Variants in FGF8 observed in about 807,000 individuals in gnomAD.
The protein encoded by FGF8 is fibroblast growth factor 8.
Under a neutral mutation model 29.7 loss-of-function variants are expected in FGF8, and 12 were observed. The observed-to-expected ratio is 0.40, with a 90% CI of 0.26 to 0.65. The LOEUF is 0.65. FGF8 is among the 30% of genes least tolerant of loss of function. FGF8 has a pLI of 0.37. For missense variants in FGF8, 271 were observed against 345.1 expected (o/e 0.79, Z 1.70); for synonymous variants, 157 against 144.4 (o/e 1.09, Z -0.63).
At chr10:101,774,704 C>A in intron 4 of FGF8, 28 bp downstream of exon 4, 1 of 1,594,492 alleles carries the variant, frequency 6.3e-7, no homozygotes, top group South Asian at 1.1e-5. Flanking sequence ...CGCCGCGCAT[C>A]CCACAAGCTA....
chr10:101,775,822 G>C lies in FGF8; in HGVS notation c.33-46C>G, dbSNP rs1358082148. The C allele has an allele frequency of 6.5e-7, 1 of 1,528,716 alleles. No individual in the cohort carries two copies. The highest frequency in any genetic ancestry group is 8.8e-7 in the Non-Finnish European group (1 of 1,140,370). 94.7% of individuals were successfully genotyped at this position (1,528,716 alleles called of 1,614,324 possible). ...CGGGAGAGAGAGGCGCGGGTGAGGCGAGGGGCGCGGGGGGCGGGTGGCGGG... is the reference window on the plus strand; with the variant it reads ...CGGGAGAGAGAGGCGCGGGTGAGGCCAGGGGCGCGGGGGGCGGGTGGCGGG... On this transcript the variant is annotated intron_variant, in intron 1 of 5. Coordinates refer to ENST00000320185, the MANE Select transcript of FGF8 (RefSeq NM_033163.5). The surrounding 1 kb of genome is among the most constrained non-coding windows in gnomAD (Gnocchi z 4.6).
At position 101,775,452 on chromosome 10, in the gene FGF8, G is replaced by A. The variant is rs1330892338; in HGVS notation, c.70-236C>T. The stretch of plus-strand genomic sequence containing the variant: ...GGCCGCGGCTGCCCCCTTCCTCGGC[G>A]GCTGGGTGTTCCCTATGCCCCCAGC... On this transcript the variant is annotated intron_variant, in intron 2 of 5. Coordinates refer to ENST00000320185, the MANE Select transcript of FGF8 (RefSeq NM_033163.5). This position sits in a 1 kb window ranked among gnomAD's most constrained non-coding sequence, Gnocchi z 4.6. 6.8e-5 allele frequency: 41 copies of A among 603,176 alleles called. No individual in the cohort carries two copies. The highest frequency in any genetic ancestry group is 1.4e-4 in the East Asian group (5 of 36,254). The allele number at this position is 603,176 out of a possible 1,614,324, so 37.4% of individuals were successfully genotyped here.
At chr10:101,778,119 C>T (rs1386904554), upstream of FGF8, among the ~76,000 whole-genome samples, 1 of 152,244 alleles carries the variant, frequency 6.6e-6, no homozygotes, top group Non-Finnish European at 1.5e-5. Flanking sequence ...TGCTTGTGGT[C>T]TTACCCTCAT....
intron 5 of FGF8, 133 bp from the exon 6 acceptor site, chr10:101,770,752 T>C: frequency 1.1e-6 from 1 of 939,108 alleles, no homozygotes; most frequent in South Asian, 1.4e-5. Flanking sequence ...ACCCCCTGCC[T>C]GGGCACCCGC....
chr10:101,775,791 A>G lies in FGF8; in HGVS notation c.33-15T>C. 6.5e-7 allele frequency: 1 copy of G among 1,540,850 alleles called. No homozygotes were observed. On this transcript the variant is annotated splice_polypyrimidine_tract_variant and intron_variant, in intron 1 of 5. Transcript: ENST00000320185. The surrounding 1 kb of genome is among the most constrained non-coding windows in gnomAD (Gnocchi z 4.6). Reference sequence around the variant, plus strand: ...AGTGCAACAGCCTGTGGGAGACAAAAGCGGGCGGGAGAGAGAGGCGCGGGT... The same window carrying G: ...AGTGCAACAGCCTGTGGGAGACAAAGGCGGGCGGGAGAGAGAGGCGCGGGT...
rs1431347374 is a variant in FGF8 at position 101,772,757 on chromosome 10, G to A, written c.338-1188C>T. 6.6e-6 allele frequency among the ~76,000 whole-genome samples: 1 copy of A among 152,126 alleles called. No homozygotes were observed. The highest frequency in any genetic ancestry group is 6.5e-5 in the Admixed American group (1 of 15,268). ...CAGTCATCACTGCTCAGCTTGTAAT[G>A]TTCCCCGCTTCACACAGGCTCAGTG... On this transcript the variant is annotated intron_variant, in intron 4 of 5. Transcript: ENST00000320185. The surrounding 1 kb of genome is among the most constrained non-coding windows in gnomAD (Gnocchi z 4.4).
rs1480112204 is a variant in FGF8, at chr10:101,775,185, C to T, written c.101G>A (p.Arg34Lys). The T allele has an allele frequency of 6.5e-7, 1 of 1,548,168 alleles. No homozygotes were observed. Residue 34 changes from arginine (R) to lysine (K), a missense_variant, in exon 3 of 6, where the codon AGG becomes AAG. This residue lies in a region of FGF8 where 168 missense variants were observed against 207.0 expected (regional missense o/e 0.81). Coordinates refer to ENST00000320185, the MANE Select transcript of FGF8 (RefSeq NM_033163.5). This position sits in a 1 kb window ranked among gnomAD's most constrained non-coding sequence, Gnocchi z 4.6. ...AGCCCGGAACAGGGAAGCGAGCTCC[C>T]TGCCCAGCGCAGGGCCCCTGCCCGG... is the stretch of plus-strand genomic sequence containing the variant. ...EGPGRGPALG[R>K]ELASLFRAGR...
rs1181238326 is a variant in FGF8 at position 101,772,546 on chromosome 10, T to C, written c.338-977A>G. On this transcript the variant is annotated intron_variant, in intron 4 of 5. Coordinates refer to ENST00000320185, the MANE Select transcript of FGF8 (RefSeq NM_033163.5). The surrounding 1 kb of genome is among the most constrained non-coding windows in gnomAD (Gnocchi z 4.4). Reference sequence around the variant, plus strand: ...CTCTTATAGGCTGTCCTCAAGAAAGTAGTGAGGGTGACTTCACTGTTTAGG... The same window carrying C: ...CTCTTATAGGCTGTCCTCAAGAAAGCAGTGAGGGTGACTTCACTGTTTAGG... Among the ~76,000 whole-genome samples, 1 of 152,162 alleles carries C rather than the reference T, an allele frequency of 6.6e-6. No homozygotes were observed. Among genetic ancestry groups the C allele is most frequent in the East Asian group, 1.9e-4 (1 of 5,196 alleles).
chr10:101,776,324 G>A (rs1487335419), upstream of FGF8, among the ~76,000 whole-genome samples: 10 of 149,358 alleles, frequency 6.7e-5, no homozygotes, highest in African/African-American at 2.5e-4. Context: ...GGCGGCCGAC[G>A]GGTTCGGGAT....
Position 101,774,748 on chromosome 10 carries a change from C to G in FGF8, c.321G>C (p.Glu107Asp), listed in dbSNP as rs1774561658. ...GCGCCTTACCGAAGGGGTCGCCGTCCTCTGCCATGGCGTTGATGCGCTTGT... is the reference window on the plus strand; with the variant it reads ...GCGCCTTACCGAAGGGGTCGCCGTCGTCTGCCATGGCGTTGATGCGCTTGT... ...LANKRINAMA[E>D]DGDPFAKLIV... Residue 107 changes from glutamate (E) to aspartate (D), a missense_variant, in exon 4 of 6, where the codon GAG (glutamate) becomes GAC (aspartate). Transcript: ENST00000320185. The G allele has an allele frequency of 1.9e-6, 3 of 1,606,328 alleles. No individual in the cohort carries two copies. The highest frequency in any genetic ancestry group is 2.5e-6 in the Non-Finnish European group (3 of 1,179,818).
At chr10:101,777,463 C>T (rs1311000699), upstream of FGF8, among the ~76,000 whole-genome samples, 3 of 152,240 alleles carry the variant, frequency 2.0e-5, no homozygotes, top group Non-Finnish European at 2.9e-5. Flanking sequence ...CCAGGCCCTG[C>T]CTCCCTCCCT....
Position 101,775,455 on chromosome 10 carries a change from T to C in FGF8, c.70-239A>G. The C allele has an allele frequency of 3.3e-6, 2 of 603,032 alleles. No homozygotes were observed. The highest frequency in any genetic ancestry group is 5.9e-6 in the Non-Finnish European group (2 of 339,496). 37.4% of individuals were successfully genotyped at this position (603,032 alleles called of 1,614,324 possible). The stretch of plus-strand genomic sequence containing the variant: ...CGCGGCTGCCCCCTTCCTCGGCGGC[T>C]GGGTGTTCCCTATGCCCCCAGCCGG... On this transcript the variant is annotated intron_variant, in intron 2 of 5. Transcript: ENST00000320185. The surrounding 1 kb of genome is among the most constrained non-coding windows in gnomAD (Gnocchi z 4.6).
Position 101,771,420 on chromosome 10 carries a change from C to T in FGF8, c.444+43G>A, listed in dbSNP as rs1437280527. ...GGAGGAGTCCAGCCAGCCCAAGCCA[C>T]TCCCTAGGTCCCGCGGACCCCACCT... On this transcript the variant is annotated intron_variant, in intron 5 of 5. Transcript: ENST00000320185. This position sits in a 1 kb window ranked among gnomAD's most constrained non-coding sequence, Gnocchi z 5.3. The T allele has an allele frequency of 6.7e-7, 1 of 1,484,794 alleles. No individual in the cohort carries two copies. Among genetic ancestry groups the T allele is most frequent in the Middle Eastern group, 1.7e-4 (1 of 5,810 alleles). The allele number at this position is 1,484,794 out of a possible 1,614,324, so 92.0% of individuals were successfully genotyped here. A position where few individuals can be genotyped will look rare whatever the true frequency, so the allele number is the denominator to read the frequency against.
At chr10:101,776,685 G>T (rs1214269395), upstream of FGF8, among the ~76,000 whole-genome samples, 1 of 152,022 alleles carries the variant, frequency 6.6e-6, no homozygotes, top group Admixed American at 6.5e-5. Flanking sequence ...CGGCCCTCGC[G>T]CAGTGCGTGC....
chr10:101,778,749 C>T (rs2065116446), upstream of FGF8, among the ~76,000 whole-genome samples: 2 of 152,364 alleles, frequency 1.3e-5, no homozygotes, highest in Admixed American at 6.5e-5. Flanking sequence ...TGCCCTGGCA[C>T]GCCCCGTGAC....
rs779901890 is a variant in FGF8, at chr10:101,771,527, C to T, written c.380G>A (p.Arg127Gln). ...VETDTFGSRV[R>Q]VRGAETGLYI... ...GAGGCCCGTCTCGGCTCCTCGGACT[C>T]GAACTCTGCTTCCAAAGGTGTCCGT... is the stretch of plus-strand genomic sequence containing the variant. Residue 127 changes from arginine to glutamine, a missense_variant, in exon 5 of 6, where the codon CGA becomes CAA. Arg to Gln is a conservative substitution (Grantham distance 43). This residue lies in a region of FGF8 where 168 missense variants were observed against 207.0 expected (regional missense o/e 0.81). Coordinates refer to ENST00000320185, the MANE Select transcript of FGF8 (RefSeq NM_033163.5). The surrounding 1 kb of genome is among the most constrained non-coding windows in gnomAD (Gnocchi z 5.3). The T allele has an allele frequency of 1.9e-6, 3 of 1,614,204 alleles. No individual in the cohort carries two copies. Among genetic ancestry groups the T allele is most frequent in the East Asian group, 2.2e-5 (1 of 44,870 alleles).
Position 101,770,174 on chromosome 10 carries a change from C to A in FGF8, c.*155G>T. On this transcript the variant is annotated 3_prime_UTR_variant, in exon 6 of 6. Transcript: ENST00000320185. ...AAAAAAAAAAAAAAAACAGCAAAAA[C>A]CCAACAGCAAACAATATCAACAACC... The A allele has an allele frequency of 2.6e-5, 15 of 580,122 alleles. No homozygotes were observed. The highest frequency in any genetic ancestry group is 3.7e-5 in the Non-Finnish European group (13 of 353,114). 35.9% of individuals were successfully genotyped at this position (580,122 alleles called of 1,614,324 possible).
At chr10:101,774,320 A>T (rs1460146778) in intron 4 of FGF8, among the ~76,000 whole-genome samples, 2 of 151,470 alleles carry the variant, frequency 1.3e-5, no homozygotes, top group African/African-American at 4.9e-5. Flanking sequence ...GTTCCCAGCA[A>T]CCTCCTTTTC....
chr10:101,770,278 A>T lies in FGF8; in HGVS notation c.*51T>A, dbSNP rs1443420463. The T allele has an allele frequency of 6.6e-7, 1 of 1,516,862 alleles. No individual in the cohort carries two copies. The highest frequency in any genetic ancestry group is 2.4e-5 in the East Asian group (1 of 42,488). The allele number at this position is 1,516,862 out of a possible 1,614,324, so 94.0% of individuals were successfully genotyped here. On this transcript the variant is annotated 3_prime_UTR_variant, in exon 6 of 6. Transcript: ENST00000320185. ...ATCTTGCTTGAGTTTTGGGTGCCCT[A>T]CAGGATGAGCCTCTCTGCGGTCTGG...
Sources: gnomAD v4.1 joint callset for allele counts (sites outside exome capture counted in the v4.1 genomes callset) on GRCh38, gnomAD v4.1.1 for gene constraint, gnomAD v4.1.1 regional missense constraint, Gnocchi (gnomAD v3.1) non-coding constraint, MANE v1.5 for transcripts, NCBI Gene and HGNC (gene_info 2026-07-23, HGNC 2026-07-21) for gene names.